Variants in ZNF521 observed in about 807,000 individuals in gnomAD.
ZNF521 encodes LYST-interacting protein 3.
In ZNF521, 14 loss-of-function variants were observed where a neutral mutation model predicts 105.5. The observed-to-expected ratio is 0.13, with a 90% CI of 0.09 to 0.21. ZNF521 has a LOEUF of 0.21. Among genes scored for constraint, ZNF521 ranks in the 10% least tolerant of loss-of-function variants. The pLI, the probability that ZNF521 is intolerant of heterozygous loss-of-function variation, is 1.00. For missense variants in ZNF521, 1,233 were observed against 1,629.7 expected, an observed-to-expected ratio of 0.76 and a Z score of 4.19; for synonymous variants, 635 against 606.0, an observed-to-expected ratio of 1.05 and a Z score of -0.70.
At chr18:25,310,095 G>T (rs1417270306) in intron 3 of ZNF521, among the ~76,000 whole-genome samples, 2 of 151,952 alleles carry the variant, frequency 1.3e-5, no homozygotes, top group Non-Finnish European at 2.9e-5. Flanking sequence ...TCCTATTCTA[G>T]TATCTCCCAC....
intron 5 of ZNF521, among the ~76,000 whole-genome samples, chr18:25,159,397 A>C (rs1050573138): frequency 1.1e-4 from 16 of 152,238 alleles, no homozygotes; most frequent in African/African-American, 3.9e-4. Context: ...GATCTAAAGA[A>C]AGACATACAG....
At chr18:25,240,966 AAAAGTT>A (rs1244759809) in intron 3 of ZNF521, among the ~76,000 whole-genome samples, 4 of 151,952 alleles carry the variant, frequency 2.6e-5, no homozygotes, top group Admixed American at 2.0e-4. Flanking sequence ...AAAAAAAAAA[AAAAGTT>A]AGAGCAAGCA....
chr18:25,091,758 T>G (rs1226151774), intron 6 of ZNF521, among the ~76,000 whole-genome samples, 192 bp downstream of exon 6: 2 of 152,232 alleles, frequency 1.3e-5, no homozygotes, highest in African/African-American at 4.8e-5. Context: ...ACAGTTAACC[T>G]TCCTGCTCAT....
intron 3 of ZNF521, among the ~76,000 whole-genome samples, chr18:25,239,786 G>C (rs114993670): frequency 4.6e-5 from 7 of 152,238 alleles, no homozygotes; most frequent in Middle Eastern, 3.4e-3. Context: ...AAATAGGAGG[G>C]GGGAGGAGAA....
Position 25,113,793 on chromosome 18 carries a change from C to CACACACACAG in ZNF521, c.3659-21713_3659-21712insCTGTGTGTGT, listed in dbSNP as rs1053377440. ...ACACACACACACACACACACACACA[C>CACACACACAG]AGAGACGGGGGAGAGAGCAGGGCCT... On this transcript the variant is annotated intron_variant, in intron 5 of 7. Transcript: ENST00000361524. Among the ~76,000 whole-genome samples the CACACACACAG allele has an allele frequency of 8.8e-5, 13 of 147,976 alleles. 1 individual carries two copies. The highest frequency in any genetic ancestry group is 7.4e-4 in the Admixed American group (11 of 14,838).
At chr18:25,248,556 T>C (rs943929774) in intron 3 of ZNF521, among the ~76,000 whole-genome samples, 1 of 152,244 alleles carries the variant, frequency 6.6e-6, no homozygotes, top group Non-Finnish European at 1.5e-5. Flanking sequence ...TTTGAAAAGC[T>C]ATATTGATAT....
chr18:25,142,427 A>G (rs1397517515), intron 5 of ZNF521, among the ~76,000 whole-genome samples: 1 of 152,218 alleles, frequency 6.6e-6, no homozygotes, highest in Non-Finnish European at 1.5e-5. Context: ...AACTGATTGA[A>G]ATAACATCAT....
intron 5 of ZNF521, among the ~76,000 whole-genome samples, chr18:25,194,656 C>T (rs1291811304): frequency 2.0e-5 from 3 of 151,586 alleles, no homozygotes; most frequent in Non-Finnish European, 3.0e-5. Flanking sequence ...TCTTTATGAT[C>T]ATGATTATTT....
chr18:25,083,617 T>C (rs1468347983), intron 7 of ZNF521, among the ~76,000 whole-genome samples: 1 of 152,230 alleles, frequency 6.6e-6, no homozygotes, highest in African/African-American at 2.4e-5. Flanking sequence ...TATCACCTCA[T>C]ATAGTAGCTA....
intron 2 of ZNF521, among the ~76,000 whole-genome samples, chr18:25,337,319 G>A (rs9965307): frequency 0.46 from 69,285 of 151,888 alleles, 16,138 homozygotes; most frequent in Middle Eastern, 0.51. Flanking sequence ...ATAAAAATTT[G>A]GAAGTTCTGT....
chr18:25,182,805 A>C (rs1197814399), intron 5 of ZNF521, among the ~76,000 whole-genome samples: 1 of 152,216 alleles, frequency 6.6e-6, no homozygotes. Flanking sequence ...GGCTTCTAGA[A>C]GAGTCAAACA....
chr18:25,111,877 G>A (rs561296640), intron 5 of ZNF521, among the ~76,000 whole-genome samples: 1 of 152,316 alleles, frequency 6.6e-6, no homozygotes, highest in African/African-American at 2.4e-5. Flanking sequence ...CGAGGCAGTG[G>A]GATTCTTCTC....
intron 5 of ZNF521, among the ~76,000 whole-genome samples, chr18:25,106,698 G>T (rs1395780882): frequency 6.6e-6 from 1 of 152,076 alleles, no homozygotes; most frequent in Non-Finnish European, 1.5e-5. Context: ...AATTTCTGAT[G>T]AATGCTCAGA....
intron 5 of ZNF521, among the ~76,000 whole-genome samples, chr18:25,113,121 G>A (rs1481723084): frequency 1.3e-5 from 2 of 151,724 alleles, no homozygotes; most frequent in Non-Finnish European, 2.9e-5. Flanking sequence ...CTGGCAATCT[G>A]TCCTTAGTGG....
intron 5 of ZNF521, among the ~76,000 whole-genome samples, chr18:25,102,388 A>C (rs1439672409): frequency 6.6e-6 from 1 of 152,090 alleles, no homozygotes; most frequent in Non-Finnish European, 1.5e-5. Flanking sequence ...TGGAGGAAAA[A>C]AGAAAGGGAA....
chr18:25,199,156 G>GA (rs963013453), intron 4 of ZNF521, among the ~76,000 whole-genome samples: 1 of 151,544 alleles, frequency 6.6e-6, no homozygotes, highest in Non-Finnish European at 1.5e-5. Flanking sequence ...ATTACTATGA[G>GA]AAAAAAATGC....
At chr18:25,273,893 T>C (rs2144955878) in intron 3 of ZNF521, among the ~76,000 whole-genome samples, 1 of 152,222 alleles carries the variant, frequency 6.6e-6, no homozygotes, top group East Asian at 1.9e-4. Context: ...AATAATAAAC[T>C]AATTGTTTAA....
At chr18:25,229,460 G>A (rs1906390886) in intron 3 of ZNF521, among the ~76,000 whole-genome samples, 1 of 152,120 alleles carries the variant, frequency 6.6e-6, no homozygotes, top group Admixed American at 6.6e-5. Context: ...AGGGTCTGAT[G>A]GATGTGGATG....
At chr18:25,179,884 A>C (rs983908852) in intron 5 of ZNF521, among the ~76,000 whole-genome samples, 1 of 152,206 alleles carries the variant, frequency 6.6e-6, no homozygotes, top group Non-Finnish European at 1.5e-5. Flanking sequence ...TACACAAAGA[A>C]GACGACAAAA....
Sources: allele counts gnomAD v4.1 joint callset (sites outside exome capture counted in the v4.1 genomes callset), GRCh38; gene constraint gnomAD v4.1.1; transcripts MANE v1.5; gene names NCBI Gene and HGNC (gene_info 2026-07-23, HGNC 2026-07-21).